The following PPP1R14C variants were observed in gnomAD, a reference collection of about 807,000 sequenced individuals.
PPP1R14C encodes protein phosphatase 1 regulatory subunit 14C.
PPP1R14C carries 16 observed loss-of-function variants against 20.4 expected under a neutral mutation model. That is an observed-to-expected ratio of 0.78 (90% CI 0.53 to 1.19). The LOEUF (loss-of-function observed/expected upper bound fraction) is 1.19. Among genes scored for constraint, PPP1R14C ranks in the 50% most tolerant of loss-of-function variants. PPP1R14C has a pLI of 0.00. For synonymous variants in PPP1R14C, 91 were observed against 91.0 expected (o/e 1.00, Z 0.00); for missense variants, 211 against 220.1 (o/e 0.96, Z 0.26).
chr6:150,177,374 T>C (rs1331640943), intron 1 of PPP1R14C, among the ~76,000 whole-genome samples: 1 of 152,184 alleles, frequency 6.6e-6, no homozygotes. Flanking sequence ...CAGATTTATA[T>C]TGGGAAGGAA....
In PPP1R14C at chr6:150,249,636, A is replaced by G. The variant is rs981511537; in HGVS notation, c.*816A>G. The G allele has an allele frequency of 4.8e-5, 19 of 397,900 alleles. No homozygotes were observed. Among genetic ancestry groups the G allele is most frequent in the African/African-American group, 3.7e-4 (18 of 48,612 alleles). The allele number at this position is 397,900 out of a possible 1,614,324, so 24.6% of individuals were successfully genotyped here. A position where few individuals can be genotyped will look rare whatever the true frequency, so the allele number is the denominator to read the frequency against. The stretch of plus-strand genomic sequence containing the variant: ...TCTAGAGAAATATCCACACTATCTC[A>G]GTGGTATTTTGCATTGGAAAAAGGA... On this transcript the variant is annotated 3_prime_UTR_variant, in exon 4 of 4. Transcript: ENST00000361131.
intron 2 of PPP1R14C, 131 bp downstream of exon 2, chr6:150,214,958 G>T: frequency 1.6e-6 from 1 of 641,968 alleles, no homozygotes. Flanking sequence ...CATTTGCAGA[G>T]AGGAAAGCAA....
intron 1 of PPP1R14C, among the ~76,000 whole-genome samples, chr6:150,178,773 G>T (rs954677253): frequency 1.2e-4 from 18 of 152,202 alleles, no homozygotes; most frequent in African/African-American, 4.3e-4. Context: ...AAGGTGAAGA[G>T]ATGGACTTGG....
At chr6:150,212,802 C>T (rs914949897) in intron 1 of PPP1R14C, among the ~76,000 whole-genome samples, 1 of 152,160 alleles carries the variant, frequency 6.6e-6, no homozygotes, top group East Asian at 1.9e-4. Context: ...CCGTTGCCTA[C>T]ATTATTCCGT....
At chr6:150,195,938 C>T (rs1297446650) in intron 1 of PPP1R14C, 2 of 985,408 alleles carry the variant, frequency 2.0e-6, no homozygotes, top group Non-Finnish European at 1.2e-6. Flanking sequence ...CCTTGCCCAT[C>T]TTCTGCTGTG....
intron 1 of PPP1R14C, among the ~76,000 whole-genome samples, chr6:150,203,150 A>G (rs1414187764): frequency 6.6e-6 from 1 of 152,182 alleles, no homozygotes; most frequent in Non-Finnish European, 1.5e-5. Context: ...GTGATGATAT[A>G]GATGCACCCT....
intron 3 of PPP1R14C, among the ~76,000 whole-genome samples, chr6:150,229,436 A>C (rs1338583081): frequency 6.6e-6 from 1 of 152,210 alleles, no homozygotes; most frequent in East Asian, 1.9e-4. Context: ...ATTCTGAGAC[A>C]CCAGTTAGTA....
chr6:150,214,605 A>G (rs1291908593), intron 1 of PPP1R14C, 139 bp from the exon 2 acceptor site: 1 of 354,686 alleles, frequency 2.8e-6, no homozygotes, highest in Non-Finnish European at 5.1e-6. Flanking sequence ...CTCTCCCCCT[A>G]GCCTCTCCTT....
chr6:150,235,486 A>G (rs1267967758), intron 3 of PPP1R14C, among the ~76,000 whole-genome samples: 2 of 152,202 alleles, frequency 1.3e-5, no homozygotes, highest in African/African-American at 4.8e-5. Context: ...GATGCAGTTT[A>G]TTGTTCTTAA....
chr6:150,146,405 A>G lies in PPP1R14C; in HGVS notation c.306+2907A>G, dbSNP rs185746758. ...AAAACTTATGAGTTAAACTAACAACATTTGTATAAAATTTCTTCTGTCCAC... is the reference window on the plus strand; with the variant it reads ...AAAACTTATGAGTTAAACTAACAACGTTTGTATAAAATTTCTTCTGTCCAC... On this transcript the variant is annotated intron_variant, in intron 1 of 3. Transcript: ENST00000361131. Among the ~76,000 whole-genome samples the G allele has an allele frequency of 3.3e-4, 51 of 152,300 alleles. No homozygotes were observed. In the Middle Eastern group the frequency reaches 0.01, roughly 30 times the overall value.
intron 3 of PPP1R14C, among the ~76,000 whole-genome samples, chr6:150,244,964 G>A (rs546098207): frequency 1.3e-5 from 2 of 152,284 alleles, no homozygotes; most frequent in Admixed American, 1.3e-4. Flanking sequence ...ACCATGAGCT[G>A]AGGCCCAAAG....
chr6:150,230,775 G>T (rs1344518487), intron 3 of PPP1R14C, among the ~76,000 whole-genome samples: 1 of 152,106 alleles, frequency 6.6e-6, no homozygotes, highest in East Asian at 1.9e-4. Context: ...TTTTTAAATG[G>T]CTCAAAATGC....
chr6:150,242,509 C>G (rs964393533), intron 3 of PPP1R14C, among the ~76,000 whole-genome samples: 2 of 152,166 alleles, frequency 1.3e-5, no homozygotes, highest in African/African-American at 2.4e-5. Context: ...TAGGCAAAAC[C>G]CAGCCTCTAT....
intron 3 of PPP1R14C, among the ~76,000 whole-genome samples, chr6:150,232,415 A>C (rs114680208): frequency 0.013 from 1,989 of 152,288 alleles, 57 homozygotes; most frequent in African/African-American, 0.046. Flanking sequence ...AGAAGTTTTA[A>C]ATTTTAATTG....
chr6:150,194,958 T>TAAAGGCAA (rs1777785236), intron 1 of PPP1R14C: 1 of 985,318 alleles, frequency 1.0e-6, no homozygotes, highest in South Asian at 4.7e-5. Flanking sequence ...AATAAATTGA[T>TAAAGGCAA]AAAGGCAAAA....
intron 1 of PPP1R14C, among the ~76,000 whole-genome samples, chr6:150,170,827 A>G (rs2114869086): frequency 6.8e-6 from 1 of 147,028 alleles, no homozygotes; most frequent in African/African-American, 2.5e-5. Context: ...GTTCCTGAGT[A>G]TGATAGCTTT....
chr6:150,243,214 C>G (rs1778452819), intron 3 of PPP1R14C, among the ~76,000 whole-genome samples: 1 of 141,540 alleles, frequency 7.1e-6, no homozygotes, highest in Non-Finnish European at 1.5e-5. Context: ...CTCACTCTGT[C>G]ACCCAGGCCG....
At chr6:150,191,811 C>T (rs1373003130) in intron 1 of PPP1R14C, among the ~76,000 whole-genome samples, 1 of 152,144 alleles carries the variant, frequency 6.6e-6, no homozygotes, top group East Asian at 1.9e-4. Flanking sequence ...TGGTTATTGA[C>T]ATGAAATTCA....
rs1177144359 is a variant in PPP1R14C at position 150,169,618 on chromosome 6, C to T, written c.306+26120C>T. Among the ~76,000 whole-genome samples the T allele has an allele frequency of 3.3e-5, 5 of 152,112 alleles. No individual in the cohort carries two copies. The South Asian group carries it at 1.0e-3, about 31-fold the overall frequency. On this transcript the variant is annotated intron_variant, in intron 1 of 3. Coordinates refer to ENST00000361131, the MANE Select transcript of PPP1R14C (RefSeq NM_030949.3). Reference sequence around the variant, plus strand: ...CAGAGACCTGCATAAGGTGAAGGCACAGGACAAGTGAATTGTGAATGAAGA... The same window carrying T: ...CAGAGACCTGCATAAGGTGAAGGCATAGGACAAGTGAATTGTGAATGAAGA...
Sources: allele counts gnomAD v4.1 joint callset (sites outside exome capture counted in the v4.1 genomes callset), GRCh38; gene constraint gnomAD v4.1.1; transcripts MANE v1.5; gene names NCBI Gene and HGNC (gene_info 2026-07-23, HGNC 2026-07-21).